CHN2: variants seen among roughly 807,000 people sequenced by gnomAD.
CHN2 encodes chimerin 2.
CHN2 carries 35 observed loss-of-function variants against 56.3 expected under a neutral mutation model. The ratio of observed to expected loss-of-function variants is 0.62; its 90% CI spans 0.47 to 0.82. The LOEUF (loss-of-function observed/expected upper bound fraction) is 0.82. CHN2 is among the 40% of genes least tolerant of loss of function. CHN2 has a pLI of 0.00. For synonymous variants in CHN2, 210 were observed against 212.8 expected (o/e 0.99, Z 0.12); for missense variants, 491 against 580.5 (o/e 0.85, Z 1.58).
At chr7:29,304,785 C>T (rs3812334) in intron 1 of CHN2, among the ~76,000 whole-genome samples, 9,319 of 152,214 alleles carry the variant, frequency 0.061, 365 homozygotes, top group East Asian at 0.19. Context: ...CCTCTTGCCC[C>T]AGGCCCAGAG....
chr7:29,173,451 AC>A (rs1796873692), intron 2 of CHN2, among the ~76,000 whole-genome samples: 1 of 151,952 alleles, frequency 6.6e-6, no homozygotes, highest in South Asian at 2.1e-4. Flanking sequence ...AGAGAATGTC[AC>A]CCCCATCCTA....
Position 29,512,642 on chromosome 7 carries a change from C to T in CHN2, c.1314C>T (p.Pro438=). Residue 438 remains proline (P), a synonymous_variant, in exon 13 of 13, where the codon CCC becomes CCT. Coordinates refer to ENST00000222792, the MANE Select transcript of CHN2 (RefSeq NM_004067.4). ...TGTTTGGGCCCACTCTGATGAGGCC[C>T]CCTGAGGACAGCACCCTGACCACCC... is the stretch of plus-strand genomic sequence containing the variant. ...GIVFGPTLMR[P]PEDSTLTTLH... 6.2e-7 allele frequency: 1 copy of T among 1,614,090 alleles called. No individual in the cohort carries two copies. The highest frequency in any genetic ancestry group is 1.1e-5 in the South Asian group (1 of 91,070).
intron 1 of CHN2, among the ~76,000 whole-genome samples, chr7:29,315,822 C>A (rs111441413): frequency 6.6e-6 from 1 of 151,844 alleles, no homozygotes; most frequent in South Asian, 2.1e-4. Context: ...TTTTTTAAAT[C>A]GTGAAAATGC....
intron 1 of CHN2, among the ~76,000 whole-genome samples, chr7:29,339,811 C>T (rs1415155353): frequency 1.3e-5 from 2 of 151,872 alleles, no homozygotes; most frequent in African/African-American, 2.4e-5. Flanking sequence ...CAAGATTGCA[C>T]CACTGCACTC....
rs141592615 is a variant in CHN2, at chr7:29,241,755, C to T, written c.49+46765C>T. ...GGAACTTGTCCAGGAGGAGGAAAGA[C>T]GGCCTCACAGTTTCCCATCTGCTAG... On this transcript the variant is annotated intron_variant, in intron 1 of 12. Coordinates refer to ENST00000222792, the MANE Select transcript of CHN2 (RefSeq NM_004067.4). Among the ~76,000 whole-genome samples, 68 of 152,158 alleles carry T rather than the reference C, an allele frequency of 4.5e-4. 1 individual carries two copies. The highest frequency in any genetic ancestry group is 1.3e-3 in the African/African-American group (55 of 41,526).
At chr7:29,379,967 TA>T (rs575038580) in intron 3 of CHN2, among the ~76,000 whole-genome samples, 10 of 150,478 alleles carry the variant, frequency 6.6e-5, no homozygotes, top group East Asian at 5.8e-4. Flanking sequence ...AGGTAATTTG[TA>T]AAAAAAAAAT....
chr7:29,245,419 G>C (rs1403725451), intron 1 of CHN2, among the ~76,000 whole-genome samples: 1 of 152,184 alleles, frequency 6.6e-6, no homozygotes, highest in Non-Finnish European at 1.5e-5. Flanking sequence ...AGTATCTTTT[G>C]AATTTGGGCA....
upstream of CHN2, chr7:29,193,702 C>G (rs1250291066): frequency 6.6e-6 from 1 of 152,174 alleles, no homozygotes; most frequent in East Asian, 1.9e-4. Context: ...GTGCTCGAGT[C>G]TCTTTCTCTC....
intron 2 of CHN2, among the ~76,000 whole-genome samples, chr7:29,172,918 G>C (rs1218549224): frequency 2.0e-5 from 3 of 152,058 alleles, no homozygotes; most frequent in Non-Finnish European, 4.4e-5. Flanking sequence ...ATCACCTGAG[G>C]TTAGGAGTTT....
intron 6 of CHN2, among the ~76,000 whole-genome samples, chr7:29,413,721 C>G (rs1460408403): frequency 1.3e-5 from 2 of 152,190 alleles, no homozygotes; most frequent in South Asian, 2.1e-4. Context: ...CAGCCAGTTG[C>G]TAGAAGGTGG....
chr7:29,416,236 GA>G (rs1368718788), intron 6 of CHN2, among the ~76,000 whole-genome samples: 1 of 152,172 alleles, frequency 6.6e-6, no homozygotes, highest in African/African-American at 2.4e-5. Flanking sequence ...GCCTTTCTCA[GA>G]AAAGCTGTGG....
chr7:29,414,969 C>T (rs1803581473), intron 6 of CHN2, among the ~76,000 whole-genome samples: 1 of 152,296 alleles, frequency 6.6e-6, no homozygotes, highest in Admixed American at 6.5e-5. Context: ...CAGTTGGCTG[C>T]CTCTCTGTAG....
At chr7:29,222,803 TAAAG>T (rs1195061101) in intron 1 of CHN2, among the ~76,000 whole-genome samples, 1 of 151,978 alleles carries the variant, frequency 6.6e-6, no homozygotes, top group Non-Finnish European at 1.5e-5. Flanking sequence ...CAATACTAAC[TAAAG>T]AAGAAAAAAC....
At chr7:29,176,054 T>C (rs372031561) in intron 2 of CHN2, among the ~76,000 whole-genome samples, 16 of 151,834 alleles carry the variant, frequency 1.1e-4, no homozygotes, top group East Asian at 5.8e-4. Context: ...GGCGTGGTGG[T>C]GGGCGCCTGT....
At chr7:29,174,907 CTAGAAGA>C (rs908685573) in intron 2 of CHN2, among the ~76,000 whole-genome samples, 1 of 149,750 alleles carries the variant, frequency 6.7e-6, no homozygotes, top group African/African-American at 2.5e-5. Context: ...GAACAAGAAG[CTAGAAGA>C]GAGAGAGACA....
chr7:29,415,647 G>A (rs1173082443), intron 6 of CHN2, among the ~76,000 whole-genome samples: 1 of 152,166 alleles, frequency 6.6e-6, no homozygotes, highest in Non-Finnish European at 1.5e-5. Context: ...GGCTGGAGAT[G>A]GGCGGGCTTG....
intron 6 of CHN2, among the ~76,000 whole-genome samples, chr7:29,410,657 T>C (rs1389328541): frequency 6.6e-6 from 1 of 152,166 alleles, no homozygotes; most frequent in Non-Finnish European, 1.5e-5. Flanking sequence ...GTTTTTCTAA[T>C]TAGGGGAGTT....
intron 6 of CHN2, among the ~76,000 whole-genome samples, chr7:29,420,809 T>C (rs1344732727): frequency 1.5e-5 from 1 of 66,304 alleles, no homozygotes; most frequent in Non-Finnish European, 4.5e-5. Context: ...TTTTTCTTCT[T>C]TTCTTTCTTT....
chr7:29,305,968 A>G (rs186975570), intron 1 of CHN2, among the ~76,000 whole-genome samples: 2 of 151,406 alleles, frequency 1.3e-5, no homozygotes, highest in Admixed American at 6.6e-5. Context: ...TCTGTGTTTC[A>G]TATCTAGAAT....
Sources: allele counts gnomAD v4.1 joint callset (sites outside exome capture counted in the v4.1 genomes callset), GRCh38; gene constraint gnomAD v4.1.1; transcripts MANE v1.5; gene names NCBI Gene and HGNC (gene_info 2026-07-23, HGNC 2026-07-21).